FGF2: variants seen among roughly 807,000 people sequenced by gnomAD.
FGF2 encodes fibroblast growth factor 2.
FGF2 carries 13 observed loss-of-function variants against 15.9 expected under a neutral mutation model. That is an observed-to-expected ratio of 0.82 (90% CI 0.53 to 1.30). FGF2 has a LOEUF of 1.30. FGF2 is among the 50% of genes most tolerant of loss of function. The pLI, the probability that FGF2 is intolerant of heterozygous loss-of-function variation, is 0.00. For missense variants in FGF2, 163 were observed against 196.9 expected (o/e 0.83, Z 1.03); for synonymous variants, 90 against 78.4 (o/e 1.15, Z -0.78).
At chr4:122,861,092 C>T (rs1414591144) in intron 1 of FGF2, among the ~76,000 whole-genome samples, 1 of 152,178 alleles carries the variant, frequency 6.6e-6, no homozygotes, top group Non-Finnish European at 1.5e-5. Flanking sequence ...TATACTTCTC[C>T]CATAAATGTT....
intron 2 of FGF2, among the ~76,000 whole-genome samples, chr4:122,877,063 T>C (rs1323064800): frequency 2.0e-5 from 3 of 152,164 alleles, no homozygotes; most frequent in Non-Finnish European, 1.5e-5. Context: ...TGTTACTTCT[T>C]CCTCACATTA....
At chr4:122,853,342 A>G (rs965988348) in intron 1 of FGF2, among the ~76,000 whole-genome samples, 2 of 152,162 alleles carry the variant, frequency 1.3e-5, no homozygotes, top group African/African-American at 4.8e-5. Flanking sequence ...ATTTTTTACT[A>G]TTGTATGCCC....
At chr4:122,841,878 C>T (rs974385888) in intron 1 of FGF2, among the ~76,000 whole-genome samples, 4 of 152,068 alleles carry the variant, frequency 2.6e-5, no homozygotes, top group African/African-American at 9.7e-5. Flanking sequence ...TAGATATTCT[C>T]TGTTTTAGTG....
chr4:122,854,850 A>G (rs960664483), intron 1 of FGF2, among the ~76,000 whole-genome samples: 2 of 152,052 alleles, frequency 1.3e-5, no homozygotes, highest in African/African-American at 4.8e-5. Context: ...GCCTGCTTTG[A>G]AAGGTGTTTT....
chr4:122,833,792 T>TGTGATCTG (rs1725812270), intron 1 of FGF2, among the ~76,000 whole-genome samples: 1 of 152,222 alleles, frequency 6.6e-6, no homozygotes, highest in Non-Finnish European at 1.5e-5. Context: ...GTTTAGATAC[T>TGTGATCTG]TGGTCAATCT....
At position 122,826,855 on chromosome 4, in the gene FGF2, G is replaced by A. The variant is rs1482911855; in HGVS notation, c.-320G>A. 2 of 1,502,820 alleles carry A rather than the reference G, an allele frequency of 1.3e-6. No homozygotes were observed. The highest frequency in any genetic ancestry group is 8.9e-7 in the Non-Finnish European group (1 of 1,123,912). The allele number at this position is 1,502,820 out of a possible 1,614,324, so 93.1% of individuals were successfully genotyped here. A position where few individuals can be genotyped will look rare whatever the true frequency, so the allele number is the denominator to read the frequency against. ...TGCCAGATTAGCGGACGCGGTGCCC[G>A]CGGTTGCAACGGGATCCCGGGCGCT... On this transcript the variant is annotated 5_prime_UTR_variant, in exon 1 of 3. Transcript: ENST00000644866.
intron 1 of FGF2, among the ~76,000 whole-genome samples, chr4:122,835,926 T>C (rs1039079712): frequency 2.0e-5 from 3 of 152,214 alleles, no homozygotes; most frequent in African/African-American, 7.2e-5. Context: ...TGAAAAATCC[T>C]TCTTTTTCTT....
intron 1 of FGF2, among the ~76,000 whole-genome samples, chr4:122,858,063 A>G (rs146812869): frequency 1.3e-5 from 2 of 152,034 alleles, no homozygotes; most frequent in East Asian, 3.9e-4. Context: ...TCTTTCTTTC[A>G]TATTATGCCC....
chr4:122,854,777 T>C (rs1726303914), intron 1 of FGF2, among the ~76,000 whole-genome samples: 1 of 152,294 alleles, frequency 6.6e-6, no homozygotes, highest in East Asian at 1.9e-4. Flanking sequence ...TGCTCGTCAT[T>C]GATTGAGAGA....
chr4:122,841,571 G>T (rs1725984266), intron 1 of FGF2, among the ~76,000 whole-genome samples: 1 of 151,972 alleles, frequency 6.6e-6, no homozygotes, highest in Non-Finnish European at 1.5e-5. Context: ...TAATAAACTG[G>T]AATTATGCTT....
At chr4:122,849,896 T>A (rs1441626626) in intron 1 of FGF2, among the ~76,000 whole-genome samples, 2 of 152,230 alleles carry the variant, frequency 1.3e-5, no homozygotes, top group Non-Finnish European at 2.9e-5. Context: ...TAACACCAGT[T>A]TGGATGAATG....
chr4:122,891,034 TTG>T (rs1342882490), intron 2 of FGF2, among the ~76,000 whole-genome samples: 9 of 118,286 alleles, frequency 7.6e-5, no homozygotes, highest in African/African-American at 2.5e-4. Context: ...TTTTTTTTTT[TTG>T]TTTTGTTTTG....
intron 1 of FGF2, among the ~76,000 whole-genome samples, chr4:122,861,905 C>T (rs1726478523): frequency 6.6e-6 from 1 of 152,050 alleles, no homozygotes; most frequent in East Asian, 1.9e-4. Flanking sequence ...ATTGCTAATT[C>T]TTTCAGTCTC....
rs144100497 is a variant in FGF2, at chr4:122,844,988, C to G, written c.178+17636C>G. 3.5e-3 allele frequency among the ~76,000 whole-genome samples: 528 copies of G among 152,310 alleles called. 1 individual carries two copies. Among genetic ancestry groups the G allele is most frequent in the African/African-American group, 0.012 (495 of 41,552 alleles). Reference sequence around the variant, plus strand: ...CCAGATCCATTGGAGGAATTACTATCTATGGCAGCTATACCCTTACAAAAT... The same window carrying G: ...CCAGATCCATTGGAGGAATTACTATGTATGGCAGCTATACCCTTACAAAAT... On this transcript the variant is annotated intron_variant, in intron 1 of 2. Coordinates refer to ENST00000644866, the MANE Select transcript of FGF2 (RefSeq NM_001361665.2).
intron 1 of FGF2, 33 bp from the exon 2 acceptor site, chr4:122,876,288 G>A: frequency 1.6e-6 from 2 of 1,250,826 alleles, no homozygotes; most frequent in Non-Finnish European, 1.2e-6. Context: ...TTCCTCTGTG[G>A]TGCTACAAAG....
intron 1 of FGF2, among the ~76,000 whole-genome samples, chr4:122,868,973 C>T (rs969840374): frequency 6.6e-6 from 1 of 151,896 alleles, no homozygotes; most frequent in South Asian, 2.1e-4. Flanking sequence ...TTGTTTTTTT[C>T]TTGTAAATTT....
chr4:122,841,301 C>T (rs1301813460), intron 1 of FGF2, among the ~76,000 whole-genome samples: 1 of 152,220 alleles, frequency 6.6e-6, no homozygotes, highest in Non-Finnish European at 1.5e-5. Context: ...ATATTTACTT[C>T]CTGGCCCTTT....
At position 122,892,899 on chromosome 4, in the gene FGF2, T is replaced by G. The variant is rs535779044; in HGVS notation, c.*503T>G. ...TGATAGAGTTTATAAAACAGTCCTG[T>G]GTAAACTGCTGGAAGTTCTTCCACA... is the stretch of plus-strand genomic sequence containing the variant. On this transcript the variant is annotated 3_prime_UTR_variant, in exon 3 of 3. Coordinates refer to ENST00000644866, the MANE Select transcript of FGF2 (RefSeq NM_001361665.2). 6.2e-6 allele frequency: 10 copies of G among 1,613,998 alleles called. No individual in the cohort carries two copies. In the South Asian group the frequency reaches 9.9e-5, roughly 16 times the overall value.
Position 122,896,268 on chromosome 4 carries a change from TTA to T in FGF2, c.*3880_*3881del, listed in dbSNP as rs1185728497. On this transcript the variant is annotated 3_prime_UTR_variant, in exon 3 of 3. Coordinates refer to ENST00000644866, the MANE Select transcript of FGF2 (RefSeq NM_001361665.2). ...TTCTGGAGTATACTTAGGCCTGAAA[TTA>T]TATATATTTGGCTTGGAAATGTGTT... 8 of 152,494 alleles carry T rather than the reference TTA, an allele frequency of 5.2e-5. No homozygotes were observed. Among genetic ancestry groups the T allele is most frequent in the Non-Finnish European group, 7.4e-5 (5 of 68,006 alleles). 9.4% of individuals were successfully genotyped at this position (152,494 alleles called of 1,614,324 possible).
Sources: allele counts gnomAD v4.1 joint callset (sites outside exome capture counted in the v4.1 genomes callset), GRCh38; gene constraint gnomAD v4.1.1; transcripts MANE v1.5; gene names NCBI Gene and HGNC (gene_info 2026-07-23, HGNC 2026-07-21).